The following RGS8 variants were observed in gnomAD, a reference collection of about 807,000 sequenced individuals.
RGS8 encodes regulator of G-protein signaling 8.
RGS8 carries 8 observed loss-of-function variants against 21.7 expected under a neutral mutation model. That is an observed-to-expected ratio of 0.37 (90% confidence interval 0.22 to 0.66). The LOEUF (loss-of-function observed/expected upper bound fraction) is 0.66, where lower values mean the gene tolerates loss of function less well. RGS8 is among the 30% of genes least tolerant of loss of function. RGS8 has a pLI of 0.59. For missense variants in RGS8, 157 were observed against 217.9 expected (o/e 0.72, Z 1.76); for synonymous variants, 80 against 83.6 (o/e 0.96, Z 0.24).
At chr1:182,657,896 T>A (rs1419197300) in intron 5 of RGS8, among the ~76,000 whole-genome samples, 1 of 151,980 alleles carries the variant, frequency 6.6e-6, no homozygotes, top group East Asian at 1.9e-4. Flanking sequence ...TACAAAACAA[T>A]CCTGAGTAAC....
At chr1:182,685,020 A>G (rs1664664652), upstream of RGS8, among the ~76,000 whole-genome samples, 1 of 151,840 alleles carries the variant, frequency 6.6e-6, no homozygotes, top group South Asian at 2.1e-4. Flanking sequence ...CAACAAGGCC[A>G]CTTTTGCTTA....
At chr1:182,751,599 C>T in the RGS8 span, among the ~76,000 whole-genome samples, 3 of 149,834 alleles carry the variant, frequency 2.0e-5, no homozygotes, top group Non-Finnish European at 4.5e-5. Flanking sequence ...CATCCTACCA[C>T]ATACATTTAA....
chr1:182,663,153 A>G (rs906477563), intron 5 of RGS8, among the ~76,000 whole-genome samples: 1 of 152,186 alleles, frequency 6.6e-6, no homozygotes, highest in South Asian at 2.1e-4. Context: ...CCTCTGATCA[A>G]CACTGCCCCT....
upstream of RGS8, among the ~76,000 whole-genome samples, chr1:182,689,473 C>T (rs982595683): frequency 6.6e-6 from 1 of 152,130 alleles, no homozygotes; most frequent in Admixed American, 6.6e-5. Flanking sequence ...TCACAGGGAA[C>T]ACAACAAATG....
At chr1:182,729,932 T>C in the RGS8 span, among the ~76,000 whole-genome samples, 2 of 152,102 alleles carry the variant, frequency 1.3e-5, no homozygotes, top group African/African-American at 4.8e-5. Flanking sequence ...AAAAATAACA[T>C]AGGCCACGCT....
the RGS8 span, among the ~76,000 whole-genome samples, chr1:182,741,776 G>A: frequency 9.2e-6 from 1 of 109,274 alleles, no homozygotes; most frequent in East Asian, 2.6e-4. Flanking sequence ...CTCCCTCCCG[G>A]ACGGGGCGGC....
upstream of RGS8, among the ~76,000 whole-genome samples, chr1:182,686,852 C>T (rs1025716598): frequency 5.3e-5 from 8 of 151,842 alleles, no homozygotes; most frequent in Admixed American, 6.6e-5. Flanking sequence ...ACTACATTTA[C>T]AGGAGGAGCA....
the RGS8 span, among the ~76,000 whole-genome samples, chr1:182,743,841 A>T: frequency 1.7e-4 from 26 of 152,198 alleles, no homozygotes; most frequent in African/African-American, 6.3e-4. Flanking sequence ...GCATATAGAC[A>T]TGCTACATAC....
intron 5 of RGS8, among the ~76,000 whole-genome samples, chr1:182,662,220 G>A (rs1397211680): frequency 6.6e-6 from 1 of 152,190 alleles, no homozygotes; most frequent in South Asian, 2.1e-4. Context: ...GCCAAGGAGA[G>A]GAGAAGCTTT....
chr1:182,725,362 CG>C, the RGS8 span, among the ~76,000 whole-genome samples: 1 of 152,166 alleles, frequency 6.6e-6, no homozygotes, highest in African/African-American at 2.4e-5. Context: ...ATACTCCCTG[CG>C]GGACTGCTGC....
chr1:182,679,234 C>T (rs1664464799), intron 1 of RGS8, among the ~76,000 whole-genome samples: 1 of 152,048 alleles, frequency 6.6e-6, no homozygotes, highest in South Asian at 2.1e-4. Context: ...CCTCTGCTTC[C>T]TCACTTCCTA....
At chr1:182,716,375 C>T in the RGS8 span, among the ~76,000 whole-genome samples, 1 of 152,078 alleles carries the variant, frequency 6.6e-6, no homozygotes, top group East Asian at 1.9e-4. Context: ...ATCTGCCCAC[C>T]TTGGCCTCCC....
At chr1:182,741,132 C>T in the RGS8 span, among the ~76,000 whole-genome samples, 22 of 151,114 alleles carry the variant, frequency 1.5e-4, no homozygotes, top group Non-Finnish European at 3.0e-4. Flanking sequence ...TAGGCGCGGC[C>T]GGGCAGAGGC....
chr1:182,649,133 G>A (rs111262087), intron 5 of RGS8, among the ~76,000 whole-genome samples: 9 of 152,176 alleles, frequency 5.9e-5, no homozygotes, highest in African/African-American at 2.2e-4. Context: ...GTAATATTAC[G>A]AAGCCACATT....
chr1:182,674,705 T>A (rs1664300455), upstream of RGS8, among the ~76,000 whole-genome samples: 1 of 152,178 alleles, frequency 6.6e-6, no homozygotes, highest in Non-Finnish European at 1.5e-5. Flanking sequence ...TAAGTGCTCG[T>A]GAGAAAGGAA....
chr1:182,683,162 T>C (rs1269271282), intron 1 of RGS8, among the ~76,000 whole-genome samples: 2 of 152,192 alleles, frequency 1.3e-5, no homozygotes, highest in Non-Finnish European at 2.9e-5. Context: ...ACCTTTCCAG[T>C]CTAACACACA....
the RGS8 span, among the ~76,000 whole-genome samples, chr1:182,750,722 AAAG>A: frequency 2.0e-4 from 30 of 152,336 alleles, no homozygotes; most frequent in East Asian, 7.7e-4. Context: ...TGAAGTAGGC[AAAG>A]AAGAACAATT....
Position 182,669,612 on chromosome 1 carries a change from T to C in RGS8, c.26+12A>G, listed in dbSNP as rs766123796. ...GGGTCAGGGGCAAGAAAACAGGCCATTGATTCATTACCTGCGTGGCATCAG... is the reference window on the plus strand; with the variant it reads ...GGGTCAGGGGCAAGAAAACAGGCCACTGATTCATTACCTGCGTGGCATCAG... On this transcript the variant is annotated intron_variant, in intron 3 of 6. Transcript: ENST00000483095. 1.9e-6 allele frequency: 3 copies of C among 1,614,070 alleles called. No homozygotes were observed. The highest frequency in any genetic ancestry group is 2.7e-5 in the African/African-American group (2 of 74,912).
chr1:182,695,510 T>C, the RGS8 span, among the ~76,000 whole-genome samples: 1 of 151,922 alleles, frequency 6.6e-6, no homozygotes, highest in Non-Finnish European at 1.5e-5. Context: ...AATTAAGAGG[T>C]AGGGTCTTCC....
Sources: allele counts gnomAD v4.1 joint callset (sites outside exome capture counted in the v4.1 genomes callset), GRCh38; gene constraint gnomAD v4.1.1; transcripts MANE v1.5; gene names NCBI Gene and HGNC (gene_info 2026-07-23, HGNC 2026-07-21).